The following COTL1 variants were observed in gnomAD, a reference collection of about 807,000 sequenced individuals.
The protein encoded by COTL1 is coactosin-like protein.
COTL1 carries 15 observed loss-of-function variants against 16.5 expected under a neutral mutation model. The observed-to-expected ratio is 0.91, with a 90% CI of 0.61 to 1.40. COTL1 has a LOEUF of 1.40. Among genes scored for constraint, COTL1 ranks in the 40% most tolerant of loss-of-function variants. COTL1 has a pLI of 0.00. For synonymous variants in COTL1, 112 were observed against 85.3 expected, an observed-to-expected ratio of 1.31 and a Z score of -1.73; for missense variants, 220 against 201.5, an observed-to-expected ratio of 1.09 and a Z score of -0.56.
At chr16:84,602,909 G>A (rs1000933272) in intron 2 of COTL1, among the ~76,000 whole-genome samples, 3 of 152,040 alleles carry the variant, frequency 2.0e-5, no homozygotes, top group African/African-American at 7.3e-5. Context: ...GCTGGAGTCA[G>A]CGATGCCAGA....
At chr16:84,582,121 G>A (rs1261081422) in intron 3 of COTL1, among the ~76,000 whole-genome samples, 1 of 151,270 alleles carries the variant, frequency 6.6e-6, no homozygotes, top group Non-Finnish European at 1.5e-5. Flanking sequence ...CTGAGTAGCT[G>A]GTAGCTGGGA....
At chr16:84,566,991 A>G (rs754614016) in intron 3 of COTL1, 36 bp from the exon 4 acceptor site, 1 of 1,462,438 alleles carries the variant, frequency 6.8e-7, no homozygotes, top group Non-Finnish European at 9.6e-7. Context: ...GTTCCTATTA[A>G]GAAGGAAGGC....
chr16:84,598,131 CA>C lies in COTL1; in HGVS notation c.161-7870del, dbSNP rs1905043513. ...ATGCACTCAGAGCCCAGGCCAATTG[CA>C]CGCTGGATGTCCCTGATTTGAAGAC... On this transcript the variant is annotated intron_variant, in intron 2 of 3. Coordinates refer to ENST00000262428, the MANE Select transcript of COTL1 (RefSeq NM_021149.5). Among the ~76,000 whole-genome samples, 5 of 152,320 alleles carry C rather than the reference CA, an allele frequency of 3.3e-5. 1 individual carries two copies. In the East Asian group the frequency reaches 9.6e-4, roughly 29 times the overall value.
intron 3 of COTL1, among the ~76,000 whole-genome samples, chr16:84,584,851 T>C (rs986263266): frequency 1.3e-5 from 2 of 152,162 alleles, no homozygotes; most frequent in African/African-American, 4.8e-5. Flanking sequence ...CCTTACTTTA[T>C]ACATCAGGTG....
intron 3 of COTL1, among the ~76,000 whole-genome samples, chr16:84,579,607 G>A (rs138087335): frequency 3.3e-5 from 5 of 152,366 alleles, no homozygotes; most frequent in African/African-American, 7.2e-5. Flanking sequence ...AGACCCCTCT[G>A]TGTGAGGTGG....
At chr16:84,598,529 A>ACATG (rs1905049969) in intron 2 of COTL1, among the ~76,000 whole-genome samples, 1 of 152,022 alleles carries the variant, frequency 6.6e-6, no homozygotes, top group East Asian at 1.9e-4. Context: ...GGTGGCTGTT[A>ACATG]CATGCTCTTT....
intron 3 of COTL1, among the ~76,000 whole-genome samples, chr16:84,579,386 G>A (rs1904527411): frequency 6.6e-6 from 1 of 152,244 alleles, no homozygotes; most frequent in Non-Finnish European, 1.5e-5. Flanking sequence ...TTCTTGGGAG[G>A]CTGAGGCAGG....
At chr16:84,597,373 G>C (rs1905026445) in intron 2 of COTL1, among the ~76,000 whole-genome samples, 1 of 152,184 alleles carries the variant, frequency 6.6e-6, no homozygotes, top group South Asian at 2.1e-4. Flanking sequence ...GGCTTGGAGA[G>C]GTGAAGTGAG....
intron 2 of COTL1, chr16:84,595,605 G>C (rs1355379678): frequency 6.6e-6 from 1 of 152,228 alleles, no homozygotes; most frequent in South Asian, 2.1e-4. Flanking sequence ...CACATCAGCA[G>C]TGGGGAGCCC....
At chr16:84,577,243 G>A (rs1380285499) in intron 3 of COTL1, 1 of 152,148 alleles carries the variant, frequency 6.6e-6, no homozygotes, top group Admixed American at 6.6e-5. Context: ...TGTTGGTTTT[G>A]GTTTTGGTTT....
chr16:84,585,340 G>A (rs1281527011), intron 3 of COTL1, among the ~76,000 whole-genome samples: 1 of 137,208 alleles, frequency 7.3e-6, no homozygotes, highest in Non-Finnish European at 1.5e-5. Context: ...GGGTGACAGA[G>A]TGAGATTGTC....
At chr16:84,577,827 T>C (rs558681320) in intron 3 of COTL1, among the ~76,000 whole-genome samples, 1 of 152,286 alleles carries the variant, frequency 6.6e-6, no homozygotes, top group South Asian at 2.1e-4. Context: ...TGTGAGTGTT[T>C]TGGCCAAAAC....
chr16:84,576,020 T>A (rs1904446214), intron 3 of COTL1: 1 of 152,228 alleles, frequency 6.6e-6, no homozygotes, highest in South Asian at 2.1e-4. Context: ...GTTCCCTCAG[T>A]CACTCAGAGT....
intron 3 of COTL1, among the ~76,000 whole-genome samples, chr16:84,573,473 C>G (rs1368304515): frequency 6.6e-6 from 1 of 152,228 alleles, no homozygotes; most frequent in African/African-American, 2.4e-5. Context: ...AGGTATGCAT[C>G]ATGAACATTC....
At chr16:84,592,277 C>T (rs1010114164) in intron 2 of COTL1, among the ~76,000 whole-genome samples, 4 of 152,188 alleles carry the variant, frequency 2.6e-5, no homozygotes, top group African/African-American at 9.7e-5. Flanking sequence ...CATATTTTAA[C>T]TGCCATTATC....
At chr16:84,575,125 C>A (rs1391695129) in intron 3 of COTL1, among the ~76,000 whole-genome samples, 2 of 152,038 alleles carry the variant, frequency 1.3e-5, no homozygotes, top group African/African-American at 4.8e-5. Flanking sequence ...GTAACCTCCA[C>A]CTCCCGGGTT....
At position 84,590,091 on chromosome 16, in the gene COTL1, G is replaced by C. The variant is rs767314756; in HGVS notation, c.318+14C>G. 32 of 1,604,732 alleles carry C rather than the reference G, an allele frequency of 2.0e-5. No individual in the cohort carries two copies. Among genetic ancestry groups the C allele is most frequent in the Non-Finnish European group, 7.7e-6 (9 of 1,172,724 alleles). ...GGCGAGCTTTGACCTCCAGACTCTGGAGGAACTCAGTACCTGTACGACCTC... is the reference window on the plus strand; with the variant it reads ...GGCGAGCTTTGACCTCCAGACTCTGCAGGAACTCAGTACCTGTACGACCTC... On this transcript the variant is annotated intron_variant, in intron 3 of 3. Transcript: ENST00000262428. The surrounding 1 kb of genome is among the most constrained non-coding windows in gnomAD (Gnocchi z 5.5).
rs374406128 is a variant in COTL1 at position 84,566,852 on chromosome 16, G to A, written c.422C>T (p.Thr141Met). Residue 141 changes from threonine (T) to methionine (M), a missense_variant, in exon 4 of 4, where the codon ACG becomes ATG. Thr to Met is a moderately conservative substitution (Grantham distance 81). Transcript: ENST00000262428. ...GTGTGGCGGGGGCTGGGGTTACTCC[G>A]TCTGGGCGTCGTAATTGGCTCCCCC... ...KAGGANYDAQ[T>M]E 25 of 1,610,412 alleles carry A rather than the reference G, an allele frequency of 1.6e-5. No homozygotes were observed. The highest frequency in any genetic ancestry group is 6.7e-5 in the Admixed American group (4 of 59,946).
Position 84,606,523 on chromosome 16 carries a change from A to T in COTL1, c.160+10978T>A, listed in dbSNP as rs116142739. 4.4e-3 allele frequency among the ~76,000 whole-genome samples: 677 copies of T among 152,366 alleles called. 4 individuals are homozygous for T. The highest frequency in any genetic ancestry group is 0.015 in the African/African-American group (635 of 41,588). On this transcript the variant is annotated intron_variant, in intron 2 of 3. Transcript: ENST00000262428. ...AAGTCACAAGATAAACAGGTGCATA[A>T]CTGCACATGTGGCTATGATCTTAGG...
Sources: gnomAD v4.1 joint callset for allele counts (sites outside exome capture counted in the v4.1 genomes callset) on GRCh38, gnomAD v4.1.1 for gene constraint, Gnocchi (gnomAD v3.1) non-coding constraint, MANE v1.5 for transcripts, NCBI Gene and HGNC (gene_info 2026-07-23, HGNC 2026-07-21) for gene names.